TENM4: variants seen among roughly 807,000 people sequenced by gnomAD.
The protein encoded by TENM4 is teneurin-4.
In TENM4, 82 loss-of-function variants were observed where a neutral mutation model predicts 243.3. The ratio of observed to expected loss-of-function variants is 0.34; its 90% confidence interval spans 0.28 to 0.40. TENM4 has a LOEUF of 0.40. Ranked by LOEUF, TENM4 falls within the 10% of genes least tolerant of loss-of-function variation. The probability of loss-of-function intolerance (pLI) is 1.00; values close to 1 mark genes in which losing one functional copy is unlikely to be tolerated. For synonymous variants in TENM4, 1,412 were observed against 1,456.3 expected (o/e 0.97, Z 0.69); for missense variants, 3,138 against 3,673.3 (o/e 0.85, Z 3.77).
Position 78,865,940 on chromosome 11 carries a change from T to G in TENM4, c.1085-2808A>C, listed in dbSNP as rs116277508. On this transcript the variant is annotated intron_variant, in intron 9 of 33. Coordinates refer to ENST00000278550, the MANE Select transcript of TENM4 (RefSeq NM_001098816.3). ...ATACATGGTAAAATGCTTTGCAAAC[T>G]GTACACATGTGTGATAACTATACGT... Among the ~76,000 whole-genome samples the G allele has an allele frequency of 9.0e-3, 1,375 of 152,368 alleles. 17 individuals are homozygous for G. The highest frequency in any genetic ancestry group is 0.031 in the African/African-American group (1,278 of 41,578).
Position 78,832,303 on chromosome 11 carries a change from A to C in TENM4, c.1682-17908T>G, listed in dbSNP as rs559259681. ...CCCTTGACAATTCACCTTGTGCCAT[A>C]TAGTACTCCCCCAATTGTTGTTTTT... On this transcript the variant is annotated intron_variant, in intron 12 of 33. Coordinates refer to ENST00000278550, the MANE Select transcript of TENM4 (RefSeq NM_001098816.3). Among the ~76,000 whole-genome samples the C allele has an allele frequency of 7.9e-4, 120 of 152,174 alleles. 1 individual carries two copies. Among genetic ancestry groups the C allele is most frequent in the Non-Finnish European group, 1.5e-3 (100 of 68,030 alleles).
intron 1 of TENM4, among the ~76,000 whole-genome samples, chr11:79,367,128 T>G (rs1857691678): frequency 6.6e-6 from 1 of 152,240 alleles, no homozygotes; most frequent in Non-Finnish European, 1.5e-5. Context: ...CAACAAGACT[T>G]TTCTTGGGCC....
At chr11:79,118,780 TA>T (rs1861674768) in intron 4 of TENM4, among the ~76,000 whole-genome samples, 1 of 152,216 alleles carries the variant, frequency 6.6e-6, no homozygotes, top group Admixed American at 6.5e-5. Context: ...ATATATATGC[TA>T]CATCTTATTG....
chr11:79,266,634 A>G (rs1202921134), intron 2 of TENM4, among the ~76,000 whole-genome samples: 1 of 152,168 alleles, frequency 6.6e-6, no homozygotes, highest in Non-Finnish European at 1.5e-5. Context: ...GCTGTGCACT[A>G]AAGAGTTTAA....
intron 25 of TENM4, among the ~76,000 whole-genome samples, chr11:78,715,550 G>T (rs546468463): frequency 2.0e-5 from 3 of 152,266 alleles, no homozygotes; most frequent in Admixed American, 6.5e-5. Flanking sequence ...GATTATCCCA[G>T]AGTCCGTAAG....
In TENM4 at chr11:79,069,788, G is replaced by A. The variant is rs61745035; in HGVS notation, c.157C>T (p.Arg53Cys). 1.9e-6 allele frequency: 3 copies of A among 1,551,246 alleles called. No homozygotes were observed. The highest frequency in any genetic ancestry group is 1.2e-5 in the South Asian group (1 of 84,060). ...ETLKAYDQDARLAYGSRVKDI... is the reference protein window; with the variant it reads ...ETLKAYDQDACLAYGSRVKDI... ...TTGACGCGGCTGCCATAGGCTAGGC[G>A]GGCGTCCTGGTCGTAGGCCTTCAGG... The change falls in exon 5 of 34, where the codon CGC becomes TGC. Residue 53 changes from arginine to cysteine, a missense_variant. Coordinates refer to ENST00000278550, the MANE Select transcript of TENM4 (RefSeq NM_001098816.3).
rs769280005 is a variant in TENM4, at chr11:78,676,375, T to C, written c.5273A>G (p.Asn1758Ser). The change falls in exon 30 of 34, where the codon AAC (asparagine) becomes AGC (serine). Residue 1758 changes from asparagine to serine, a missense_variant. Asn to Ser is a conservative substitution (Grantham distance 46). Around this residue, in one of 2 missense-constraint regions of TENM4, gnomAD observed 2,467 missense variants for 3,059.1 expected, o/e 0.81. Transcript: ENST00000278550. ...GCCATCGGCCCCGATGTAGTAGCTG[T>C]TCCGGACTTGGTCTGCAGGAGAGGA... Reference protein sequence around the residue: ...FYTLLQDQVRNSYYIGADGSL... With the variant: ...FYTLLQDQVRSSYYIGADGSL... 1.3e-6 allele frequency: 2 copies of C among 1,596,898 alleles called. No individual in the cohort carries two copies. Among genetic ancestry groups the C allele is most frequent in the South Asian group, 2.2e-5 (2 of 90,234 alleles).
intron 1 of TENM4, among the ~76,000 whole-genome samples, chr11:79,302,012 C>G (rs1460862861): frequency 6.6e-6 from 1 of 152,196 alleles, no homozygotes; most frequent in Non-Finnish European, 1.5e-5. Context: ...CGGACTAATA[C>G]AATCAGGACA....
intron 1 of TENM4, among the ~76,000 whole-genome samples, chr11:79,306,527 G>A (rs770775511): frequency 6.6e-6 from 1 of 152,122 alleles, no homozygotes; most frequent in African/African-American, 2.4e-5. Flanking sequence ...GGGCAAGATA[G>A]GTGGGCTGAG....
chr11:79,384,790 G>A (rs1045290992), intron 1 of TENM4, among the ~76,000 whole-genome samples: 1 of 151,892 alleles, frequency 6.6e-6, no homozygotes, highest in African/African-American at 2.4e-5. Flanking sequence ...GCTGGGAGTA[G>A]TGGCAGGTGC....
chr11:79,069,533 G>A (rs930076885), intron 5 of TENM4, among the ~76,000 whole-genome samples, 189 bp downstream of exon 5: 2 of 152,178 alleles, frequency 1.3e-5, no homozygotes, highest in East Asian at 1.9e-4. Flanking sequence ...AACTAAGAAT[G>A]AACTACAGGG....
intron 22 of TENM4, among the ~76,000 whole-genome samples, chr11:78,728,411 G>A (rs577483753): frequency 1.3e-5 from 2 of 152,240 alleles, no homozygotes; most frequent in Admixed American, 6.5e-5. Context: ...ATTGCCCACA[G>A]TAGGTGCTCA....
chr11:78,814,253 C>G (rs775964759), intron 13 of TENM4, 41 bp downstream of exon 13: 7 of 1,537,752 alleles, frequency 4.6e-6, no homozygotes, highest in Non-Finnish European at 8.8e-7. Flanking sequence ...CCTGAGGGGT[C>G]TGGGAAGCAG....
chr11:78,705,419 C>G (rs1213848790), intron 27 of TENM4, among the ~76,000 whole-genome samples: 3 of 152,220 alleles, frequency 2.0e-5, no homozygotes, highest in South Asian at 2.1e-4. Context: ...CTCACTCTGT[C>G]ACACTGCCCG....
intron 26 of TENM4, among the ~76,000 whole-genome samples, chr11:78,711,175 A>G (rs1369224069): frequency 6.6e-6 from 1 of 152,192 alleles, no homozygotes; most frequent in African/African-American, 2.4e-5. Flanking sequence ...TTGTTGATAC[A>G]ATATTTACCC....
chr11:79,017,024 T>C (rs73504617), intron 6 of TENM4, among the ~76,000 whole-genome samples: 3,905 of 152,334 alleles, frequency 0.026, 105 homozygotes, highest in African/African-American at 0.066. Context: ...TGTTTATAGA[T>C]ACATAGCATG....
At chr11:79,151,588 G>A (rs897605625) in intron 3 of TENM4, among the ~76,000 whole-genome samples, 2 of 152,064 alleles carry the variant, frequency 1.3e-5, no homozygotes, top group South Asian at 2.1e-4. Context: ...TGGCCGGGGC[G>A]CTTTCCGAGG....
chr11:78,684,689 C>CCG (rs1858622636), intron 29 of TENM4, among the ~76,000 whole-genome samples: 1 of 152,166 alleles, frequency 6.6e-6, no homozygotes, highest in Non-Finnish European at 1.5e-5. Context: ...AGGTGTGTGA[C>CCG]TGGGGCAAGC....
At chr11:79,051,355 A>G (rs1481489474) in intron 6 of TENM4, among the ~76,000 whole-genome samples, 3 of 152,210 alleles carry the variant, frequency 2.0e-5, no homozygotes, top group Admixed American at 6.5e-5. Context: ...AATAAGTGGA[A>G]GTGCTAGGGT....
Sources: allele counts gnomAD v4.1 joint callset (sites outside exome capture counted in the v4.1 genomes callset), GRCh38; gene constraint gnomAD v4.1.1; regional missense constraint gnomAD v4.1.1; transcripts MANE v1.5; gene names NCBI Gene and HGNC (gene_info 2026-07-23, HGNC 2026-07-21).